Variants in SCFD2 observed in about 807,000 individuals in gnomAD.
The protein encoded by SCFD2 is sec1 family domain-containing protein 2.
SCFD2 carries 54 observed loss-of-function variants against 58.9 expected under a neutral mutation model. That is an observed-to-expected ratio of 0.92 (90% CI 0.74 to 1.15). SCFD2 has a LOEUF of 1.15. SCFD2 is among the 50% of genes most tolerant of loss of function. The probability of loss-of-function intolerance (pLI) is 0.00; values close to 1 mark genes in which losing one functional copy is unlikely to be tolerated. For synonymous variants in SCFD2, 321 were observed against 335.9 expected, an observed-to-expected ratio of 0.96 and a Z score of 0.49; for missense variants, 805 against 836.6, an observed-to-expected ratio of 0.96 and a Z score of 0.47.
chr4:53,000,574 T>C (rs528244422), intron 5 of SCFD2, among the ~76,000 whole-genome samples: 1 of 152,350 alleles, frequency 6.6e-6, no homozygotes, highest in Admixed American at 6.5e-5. Context: ...AGGGGATCCA[T>C]AAGCTGAGTC....
intron 5 of SCFD2, 89 bp from the exon 6 acceptor site, chr4:52,920,959 G>GTTTT: frequency 1.9e-6 from 1 of 520,104 alleles, no homozygotes; most frequent in Non-Finnish European, 3.0e-6. Context: ...TAGTTGGGAG[G>GTTTT]TTTTTTTTTT....
chr4:53,233,123 A>G (rs569316921), intron 4 of SCFD2, among the ~76,000 whole-genome samples: 3 of 152,282 alleles, frequency 2.0e-5, no homozygotes, highest in Non-Finnish European at 4.4e-5. Context: ...GAACAGACAT[A>G]AGCAAGACTT....
At chr4:53,110,642 A>C (rs1269796073) in intron 5 of SCFD2, among the ~76,000 whole-genome samples, 1 of 152,242 alleles carries the variant, frequency 6.6e-6, no homozygotes, top group Admixed American at 6.5e-5. Context: ...ATGAGATACC[A>C]CATCATGCCA....
intron 3 of SCFD2, among the ~76,000 whole-genome samples, chr4:53,275,834 T>G (rs150238170): frequency 6.6e-6 from 1 of 152,216 alleles, no homozygotes; most frequent in Admixed American, 6.5e-5. Flanking sequence ...CTGAGATTCA[T>G]CCACGTTGCT....
intron 3 of SCFD2, among the ~76,000 whole-genome samples, chr4:53,311,794 C>T (rs1732700741): frequency 6.6e-6 from 1 of 151,996 alleles, no homozygotes; most frequent in Non-Finnish European, 1.5e-5. Flanking sequence ...CGCCACCACA[C>T]CCAGCTAATT....
chr4:52,883,745 AAAGGC>A (rs1489416232), intron 8 of SCFD2, among the ~76,000 whole-genome samples: 1 of 152,250 alleles, frequency 6.6e-6, no homozygotes, highest in Non-Finnish European at 1.5e-5. Context: ...TCTTGCTCAA[AAAGGC>A]AATCATTCAT....
intron 2 of SCFD2, among the ~76,000 whole-genome samples, chr4:53,336,354 C>A (rs1452713648): frequency 6.6e-6 from 1 of 152,002 alleles, no homozygotes; most frequent in Non-Finnish European, 1.5e-5. Context: ...CTATAAAGTA[C>A]AAATATAAAG....
At chr4:53,077,114 T>C (rs1472303464) in intron 5 of SCFD2, among the ~76,000 whole-genome samples, 1 of 152,290 alleles carries the variant, frequency 6.6e-6, no homozygotes, top group East Asian at 1.9e-4. Context: ...GATATAAATA[T>C]AGGTTATGAG....
At chr4:53,250,436 C>A (rs1730319372) in intron 4 of SCFD2, among the ~76,000 whole-genome samples, 1 of 152,176 alleles carries the variant, frequency 6.6e-6, no homozygotes, top group Non-Finnish European at 1.5e-5. Flanking sequence ...GAACTCAGCT[C>A]TGCACCAAGC....
intron 4 of SCFD2, among the ~76,000 whole-genome samples, chr4:53,168,294 C>T (rs1327312353): frequency 6.6e-6 from 1 of 152,144 alleles, no homozygotes; most frequent in East Asian, 1.9e-4. Context: ...TTGGTAGTGT[C>T]CCTAGTGACC....
intron 5 of SCFD2, among the ~76,000 whole-genome samples, chr4:53,130,913 G>A (rs1236619740): frequency 1.3e-5 from 2 of 152,192 alleles, no homozygotes; most frequent in African/African-American, 4.8e-5. Context: ...CACTGATCAT[G>A]CTGTTGGGCG....
intron 5 of SCFD2, among the ~76,000 whole-genome samples, chr4:53,121,211 G>A (rs1341367300): frequency 6.6e-6 from 1 of 152,098 alleles, no homozygotes; most frequent in East Asian, 1.9e-4. Flanking sequence ...ACAGTGAAGG[G>A]AAAGCAGAGG....
At chr4:52,886,691 T>G (rs1718749319) in intron 7 of SCFD2, among the ~76,000 whole-genome samples, 1 of 152,204 alleles carries the variant, frequency 6.6e-6, no homozygotes, top group South Asian at 2.1e-4. Flanking sequence ...ATTATGCAGG[T>G]GTGATAAACA....
At chr4:53,242,155 C>T (rs1294345877) in intron 4 of SCFD2, among the ~76,000 whole-genome samples, 1 of 152,260 alleles carries the variant, frequency 6.6e-6, no homozygotes, top group East Asian at 1.9e-4. Flanking sequence ...GCAGCTAGTG[C>T]TGCTAGTATG....
intron 4 of SCFD2, among the ~76,000 whole-genome samples, chr4:53,200,549 A>G (rs1728198289): frequency 1.3e-5 from 2 of 152,136 alleles, no homozygotes; most frequent in Admixed American, 1.3e-4. Context: ...CCTCTACTTA[A>G]GGTAAAAGCA....
chr4:53,136,138 A>G (rs1725930718), intron 5 of SCFD2, among the ~76,000 whole-genome samples: 1 of 152,246 alleles, frequency 6.6e-6, no homozygotes, highest in Admixed American at 6.5e-5. Context: ...TAAAGCACAC[A>G]TGAATCAGTA....
intron 5 of SCFD2, among the ~76,000 whole-genome samples, chr4:53,079,851 C>T (rs145876328): frequency 3.0e-4 from 46 of 152,208 alleles, no homozygotes; most frequent in Non-Finnish European, 5.9e-4. Context: ...GCTAAGACTG[C>T]AGGGGATGTT....
rs1325443825 is a variant in SCFD2 at position 53,273,925 on chromosome 4, A to G, written c.1212T>C (p.Cys404=). The G allele has an allele frequency of 6.2e-7, 1 of 1,614,010 alleles. No individual in the cohort carries two copies. Among genetic ancestry groups the G allele is most frequent in the Admixed American group, 1.7e-5 (1 of 60,008 alleles). Residue 404 remains cysteine (C), a synonymous_variant, in exon 4 of 9, where the codon TGT becomes TGC. Coordinates refer to ENST00000401642, the MANE Select transcript of SCFD2 (RefSeq NM_152540.4). The part of the protein sequence containing the change: ...KNNLKALMNH[C]GLLQLGLATA... ...TGGCCAGTCCAAGCTGGAGGAGGCC[A>G]CAATGATTCATTAGAGCTTTGAGGT...
At chr4:52,899,983 C>T (rs1188773812) in intron 7 of SCFD2, among the ~76,000 whole-genome samples, 3 of 152,140 alleles carry the variant, frequency 2.0e-5, no homozygotes, top group South Asian at 2.1e-4. Flanking sequence ...GTTCTCGTGC[C>T]GTGGTTGTCA....
Sources: allele counts gnomAD v4.1 joint callset (sites outside exome capture counted in the v4.1 genomes callset), GRCh38; gene constraint gnomAD v4.1.1; transcripts MANE v1.5; gene names NCBI Gene and HGNC (gene_info 2026-07-23, HGNC 2026-07-21).